Variants in TMEM131 observed in about 807,000 individuals in gnomAD.
TMEM131 encodes the protein transmembrane protein 131, also known as 2610524E03Rik.
TMEM131 carries 66 observed loss-of-function variants against 211.6 expected under a neutral mutation model. The ratio of observed to expected loss-of-function variants is 0.31; its 90% CI spans 0.26 to 0.38. The LOEUF (loss-of-function observed/expected upper bound fraction) is 0.38. TMEM131 is among the 10% of genes least tolerant of loss of function. The probability of loss-of-function intolerance (pLI) is 1.00; values close to 1 mark genes in which losing one functional copy is unlikely to be tolerated. For synonymous variants in TMEM131, 844 were observed against 841.3 expected (o/e 1.00, Z -0.06); for missense variants, 2,036 against 2,299.3 (o/e 0.89, Z 2.34).
At chr2:97,782,372 A>C (rs1680051958) in intron 31 of TMEM131, among the ~76,000 whole-genome samples, 1 of 152,258 alleles carries the variant, frequency 6.6e-6, no homozygotes, top group Non-Finnish European at 1.5e-5. Flanking sequence ...CAGTCAGAGA[A>C]AGCCAGTTAA....
chr2:97,834,440 A>G (rs552336290), intron 10 of TMEM131, among the ~76,000 whole-genome samples, 181 bp downstream of exon 10: 14 of 152,322 alleles, frequency 9.2e-5, no homozygotes, highest in South Asian at 4.1e-4. Flanking sequence ...CCCACCCCTC[A>G]GCGGAATGGG....
At chr2:97,800,168 A>C (rs1680960978) in intron 25 of TMEM131, among the ~76,000 whole-genome samples, 1 of 152,188 alleles carries the variant, frequency 6.6e-6, no homozygotes, top group Non-Finnish European at 1.5e-5. Flanking sequence ...GGTCCTTAAT[A>C]ATTTTAAGAC....
chr2:97,832,004 C>CAAAAAAAAAAAAAAAA lies in TMEM131; in HGVS notation c.1074+1345_1074+1360dup, dbSNP rs770432398. ...TTTTTATAGTTGTGTAAGTCACTTCCAAAAAAAAAAAAAAAAAAAAAAGCA... is the reference window on the plus strand; with the variant it reads ...TTTTTATAGTTGTGTAAGTCACTTCCAAAAAAAAAAAAAAAAAAAAAAAAAAAAAAAAAAAAAAGCA... On this transcript the variant is annotated intron_variant, in intron 11 of 40. Coordinates refer to ENST00000186436, the MANE Select transcript of TMEM131 (RefSeq NM_015348.2). 3.3e-5 allele frequency among the ~76,000 whole-genome samples: 2 copies of CAAAAAAAAAAAAAAAA among 60,272 alleles called. 1 individual carries two copies. The highest frequency in any genetic ancestry group is 5.8e-5 in the Non-Finnish European group (2 of 34,742). The allele number at this position is 60,272 out of a possible 152,430, so 39.5% of individuals were successfully genotyped here. A position where few individuals can be genotyped will look rare whatever the true frequency, so the allele number is the denominator to read the frequency against.
chr2:97,990,999 T>G (rs1573663573), intron 1 of TMEM131, among the ~76,000 whole-genome samples: 1 of 152,338 alleles, frequency 6.6e-6, no homozygotes, highest in East Asian at 1.9e-4. Flanking sequence ...TGTCATAGGT[T>G]GAAACACTCT....
chr2:97,983,074 G>A (rs1679865182), intron 1 of TMEM131, among the ~76,000 whole-genome samples: 1 of 152,214 alleles, frequency 6.6e-6, no homozygotes, highest in South Asian at 2.1e-4. Flanking sequence ...CAAAAGGGCT[G>A]TAGAAGCTCA....
intron 4 of TMEM131, among the ~76,000 whole-genome samples, chr2:97,861,042 A>G (rs2105182941): frequency 6.6e-6 from 1 of 152,308 alleles, no homozygotes; most frequent in South Asian, 2.1e-4. Context: ...CTGCCCTGTC[A>G]CAGCAGAAAG....
chr2:97,867,508 G>T (rs1266810251), intron 4 of TMEM131, among the ~76,000 whole-genome samples: 1 of 152,104 alleles, frequency 6.6e-6, no homozygotes, highest in Non-Finnish European at 1.5e-5. Flanking sequence ...CCCTAGTGAT[G>T]CCCTGCTGTA....
chr2:97,895,875 CTCTGA>C (rs1425579864), intron 3 of TMEM131, among the ~76,000 whole-genome samples: 1 of 152,076 alleles, frequency 6.6e-6, no homozygotes, highest in African/African-American at 2.4e-5. Flanking sequence ...TTCAGTTCTG[CTCTGA>C]TCTTAGTTAT....
At chr2:97,949,098 C>T (rs1678182731) in intron 1 of TMEM131, among the ~76,000 whole-genome samples, 1 of 151,998 alleles carries the variant, frequency 6.6e-6, no homozygotes, top group African/African-American at 2.4e-5. Flanking sequence ...TGTAATAGTT[C>T]AAAAGAGGAA....
intron 1 of TMEM131, among the ~76,000 whole-genome samples, chr2:97,930,509 A>G (rs1170455667): frequency 1.3e-5 from 2 of 151,892 alleles, no homozygotes; most frequent in African/African-American, 4.9e-5. Context: ...CTGATTATAA[A>G]GTCTCAAAAG....
At chr2:97,986,281 T>C (rs186886988) in intron 1 of TMEM131, among the ~76,000 whole-genome samples, 161 of 152,294 alleles carry the variant, frequency 1.1e-3, no homozygotes, top group Non-Finnish European at 1.7e-3. Flanking sequence ...TGTGAATTGA[T>C]TGCCTTTGAA....
At chr2:97,825,939 G>A (rs1013891917) in intron 11 of TMEM131, among the ~76,000 whole-genome samples, 1 of 152,226 alleles carries the variant, frequency 6.6e-6, no homozygotes, top group African/African-American at 2.4e-5. Context: ...CGCCTACTTA[G>A]ATAGCAGATG....
chr2:97,835,914 G>A (rs1682920214), intron 8 of TMEM131, among the ~76,000 whole-genome samples: 1 of 152,054 alleles, frequency 6.6e-6, no homozygotes, highest in African/African-American at 2.4e-5. Flanking sequence ...GCTATTCTCT[G>A]TTATCATTAT....
chr2:97,831,815 T>C lies in TMEM131; in HGVS notation c.1074+1550A>G, dbSNP rs373403411. On this transcript the variant is annotated intron_variant, in intron 11 of 40. Transcript: ENST00000186436. ...TTGAGTAGCTGGTACTACAGGCACATGCCACCATGCCCAGCTAATTTTTGT... is the reference window on the plus strand; with the variant it reads ...TTGAGTAGCTGGTACTACAGGCACACGCCACCATGCCCAGCTAATTTTTGT... 2.4e-4 allele frequency among the ~76,000 whole-genome samples: 37 copies of C among 151,338 alleles called. 1 individual carries two copies. The East Asian group carries it at 2.5e-3, about 10-fold the overall frequency.
At chr2:97,948,537 GA>G (rs2104521983) in intron 1 of TMEM131, among the ~76,000 whole-genome samples, 1 of 152,258 alleles carries the variant, frequency 6.6e-6, no homozygotes, top group East Asian at 1.9e-4. Flanking sequence ...TGATTAAGAT[GA>G]AAACTTCTTA....
In TMEM131 at chr2:97,950,025, C is replaced by T. The variant is rs574547521; in HGVS notation, c.188-22538G>A. On this transcript the variant is annotated intron_variant, in intron 1 of 40. Transcript: ENST00000186436. Reference sequence around the variant, plus strand: ...ACCCAAAGGCCTATCATTACTAAATCCTCCTTCTGAGAAACACATCACTAT... The same window carrying T: ...ACCCAAAGGCCTATCATTACTAAATTCTCCTTCTGAGAAACACATCACTAT... Among the ~76,000 whole-genome samples the T allele has an allele frequency of 3.3e-5, 5 of 152,264 alleles. No individual in the cohort carries two copies. The South Asian group carries it at 1.0e-3, about 32-fold the overall frequency.
chr2:97,758,237 G>T (rs1400038304), intron 40 of TMEM131, among the ~76,000 whole-genome samples: 1 of 152,144 alleles, frequency 6.6e-6, no homozygotes, highest in Non-Finnish European at 1.5e-5. Context: ...TTTGGAATCT[G>T]TAAAGTTGAA....
At chr2:97,809,914 C>T in intron 18 of TMEM131, 140 bp from the exon 19 acceptor site, 2 of 622,152 alleles carry the variant, frequency 3.2e-6, no homozygotes, top group Non-Finnish European at 5.9e-6. Flanking sequence ...ATTAAAATCA[C>T]CCATAGATAC....
In TMEM131 at chr2:97,779,708, A is replaced by G. The variant is rs528210901; in HGVS notation, c.4145-3690T>C. On this transcript the variant is annotated intron_variant, in intron 31 of 40. Transcript: ENST00000186436. ...AACAAGACCTCCAGGTGACAGTAAT[A>G]ATGTATGGTCAATTTAGGAATCCCA... Among the ~76,000 whole-genome samples, 16 of 152,302 alleles carry G rather than the reference A, an allele frequency of 1.1e-4. No homozygotes were observed. In the South Asian group the frequency reaches 3.3e-3, roughly 32 times the overall value.
Sources: gnomAD v4.1 joint callset for allele counts (sites outside exome capture counted in the v4.1 genomes callset) on GRCh38, gnomAD v4.1.1 for gene constraint, MANE v1.5 for transcripts, NCBI Gene and HGNC (gene_info 2026-07-23, HGNC 2026-07-21) for gene names.